SPMIP3: variants seen among roughly 807,000 people sequenced by gnomAD.
SPMIP3 encodes the protein protein SPMIP3.
At chr1:244,370,102 C>A in the SPMIP3 span, among the ~76,000 whole-genome samples, 3 of 151,980 alleles carry the variant, frequency 2.0e-5, no homozygotes, top group Non-Finnish European at 2.9e-5. Context: ...GAAATTCCGC[C>A]GAGGACTCTG....
the SPMIP3 span, among the ~76,000 whole-genome samples, chr1:244,387,935 T>G: frequency 9.9e-5 from 15 of 152,170 alleles, no homozygotes; most frequent in East Asian, 2.9e-3. Context: ...CTTTTTTTTT[T>G]TTTATTTTTG....
the SPMIP3 span, among the ~76,000 whole-genome samples, chr1:244,367,703 G>T: frequency 6.6e-6 from 1 of 152,134 alleles, no homozygotes; most frequent in African/African-American, 2.4e-5. Context: ...CCAAACCCCC[G>T]GACTCCCGGC....
chr1:244,386,092 GT>G, the SPMIP3 span, among the ~76,000 whole-genome samples: 1 of 152,100 alleles, frequency 6.6e-6, no homozygotes, highest in African/African-American at 2.4e-5. Flanking sequence ...CAGGAGAATT[GT>G]TTGAACCCCA....
the SPMIP3 span, chr1:244,364,646 T>C: frequency 1.3e-6 from 2 of 1,513,368 alleles, no homozygotes; most frequent in South Asian, 1.1e-5. Flanking sequence ...GAATTATGTA[T>C]AAACTGGCAA....
the SPMIP3 span, among the ~76,000 whole-genome samples, chr1:244,363,001 A>G: frequency 8.4e-5 from 12 of 142,662 alleles, no homozygotes; most frequent in Non-Finnish European, 1.4e-4. Context: ...GCACCTCCAC[A>G]CCAGGCTTTT....
chr1:244,364,034 C>A, the SPMIP3 span, among the ~76,000 whole-genome samples: 55 of 151,752 alleles, frequency 3.6e-4, no homozygotes, highest in African/African-American at 1.3e-3. Context: ...CTGATCAGAA[C>A]AAAACCAAAA....
the SPMIP3 span, among the ~76,000 whole-genome samples, chr1:244,357,028 T>G: frequency 6.7e-6 from 1 of 149,560 alleles, no homozygotes; most frequent in Non-Finnish European, 1.5e-5. Context: ...GCTCAAGTGA[T>G]CCTTCCATCT....
chr1:244,382,610 T>TG, the SPMIP3 span, among the ~76,000 whole-genome samples: 14 of 148,362 alleles, frequency 9.4e-5, no homozygotes, highest in Admixed American at 9.5e-4. Context: ...GTTTTTTTTT[T>TG]TTTTTTTTTT....
the SPMIP3 span, among the ~76,000 whole-genome samples, chr1:244,363,726 A>T: frequency 6.6e-6 from 1 of 152,188 alleles, no homozygotes; most frequent in Admixed American, 6.5e-5. Flanking sequence ...GAACCCTGGG[A>T]CACAGACTTC....
the SPMIP3 span, among the ~76,000 whole-genome samples, chr1:244,364,127 C>T: frequency 1.4e-4 from 21 of 148,694 alleles, no homozygotes; most frequent in East Asian, 3.5e-3. Context: ...TTTTTTTTGA[C>T]GGAGTCTCAC....
the SPMIP3 span, among the ~76,000 whole-genome samples, chr1:244,377,127 T>A: frequency 2.4e-4 from 36 of 149,800 alleles, no homozygotes; most frequent in Middle Eastern, 3.5e-3. Context: ...CACTTTATTT[T>A]TATTTTTTTT....
the SPMIP3 span, among the ~76,000 whole-genome samples, chr1:244,382,071 T>G: frequency 1.3e-5 from 2 of 152,216 alleles, no homozygotes; most frequent in South Asian, 4.1e-4. Flanking sequence ...TGGAAGCTGG[T>G]GACCCCAGTA....
At chr1:244,357,279 G>C in the SPMIP3 span, among the ~76,000 whole-genome samples, 1 of 151,744 alleles carries the variant, frequency 6.6e-6, no homozygotes, top group Non-Finnish European at 1.5e-5. Flanking sequence ...ATGGCAAATG[G>C]GGATAAGTGT....
At chr1:244,356,729 T>C in the SPMIP3 span, among the ~76,000 whole-genome samples, 1 of 152,120 alleles carries the variant, frequency 6.6e-6, no homozygotes, top group African/African-American at 2.4e-5. Context: ...TGAAATATAT[T>C]CATAGAGATA....
the SPMIP3 span, among the ~76,000 whole-genome samples, chr1:244,359,066 C>G: frequency 2.7e-5 from 4 of 147,774 alleles, no homozygotes; most frequent in Admixed American, 2.1e-4. Flanking sequence ...TTAAGATTGA[C>G]TAAAATAAAA....
the SPMIP3 span, among the ~76,000 whole-genome samples, chr1:244,370,500 A>G: frequency 6.6e-6 from 1 of 152,342 alleles, no homozygotes; most frequent in South Asian, 2.1e-4. Context: ...TGACCAGATT[A>G]TGAACTCTTG....
the SPMIP3 span, chr1:244,364,904 C>G: frequency 9.5e-6 from 8 of 840,212 alleles, no homozygotes; most frequent in Middle Eastern, 9.9e-4. Flanking sequence ...TCCTGATGAG[C>G]AGGTCTGTGC....
At chr1:244,380,908 G>C in the SPMIP3 span, among the ~76,000 whole-genome samples, 1 of 151,978 alleles carries the variant, frequency 6.6e-6, no homozygotes, top group Non-Finnish European at 1.5e-5. Context: ...GTTGCCAGCA[G>C]GGGTTTGGGA....
chr1:244,372,647 G>A, the SPMIP3 span, among the ~76,000 whole-genome samples: 1 of 152,068 alleles, frequency 6.6e-6, no homozygotes, highest in Non-Finnish European at 1.5e-5. Context: ...GTTTCACCGC[G>A]TTAGCCAGGA....
Sources: allele counts gnomAD v4.1 joint callset (sites outside exome capture counted in the v4.1 genomes callset), GRCh38; gene constraint gnomAD v4.1.1; transcripts MANE v1.5; gene names NCBI Gene and HGNC (gene_info 2026-07-23, HGNC 2026-07-21).